The following CHD7 variants were observed in gnomAD, a reference collection of about 807,000 sequenced individuals.
The protein encoded by CHD7 is chromodomain helicase DNA binding protein 7.
A neutral mutation model predicts 307.3 loss-of-function variants in CHD7; 24 were observed. The observed-to-expected ratio is 0.08, with a 90% CI of 0.06 to 0.11. CHD7 has a LOEUF of 0.11. Ranked by LOEUF, CHD7 falls within the 10% of genes least tolerant of loss-of-function variation. The pLI, the probability that CHD7 is intolerant of heterozygous loss-of-function variation, is 1.00. For synonymous variants in CHD7, 1,363 were observed against 1,349.9 expected (o/e 1.01, Z -0.21); for missense variants, 3,106 against 3,727.1 (o/e 0.83, Z 4.34).
chr8:60,708,961 C>T (rs1171106675), intron 1 of CHD7, among the ~76,000 whole-genome samples: 4 of 152,178 alleles, frequency 2.6e-5, no homozygotes, highest in Non-Finnish European at 5.9e-5. Flanking sequence ...AGTGGCTCGC[C>T]TGTCTCTGTG....
At position 60,741,789 on chromosome 8, in the gene CHD7, T is replaced by A; in HGVS notation, c.357T>A (p.Gly119=). The A allele has an allele frequency of 6.2e-7, 1 of 1,613,838 alleles. No homozygotes were observed. Among genetic ancestry groups the A allele is most frequent in the Non-Finnish European group, 8.5e-7 (1 of 1,179,834 alleles). ...PVPQVPHGGS[G]GGQMGVYPGM... is the part of the protein sequence containing the mutation. Reference sequence around the variant, plus strand: ...CTCAGGTGCCCCATGGTGGCAGTGGTGGCGGTCAGATGGGTGTCTACCCTG... The same window carrying A: ...CTCAGGTGCCCCATGGTGGCAGTGGAGGCGGTCAGATGGGTGTCTACCCTG... Residue 119 remains glycine, a synonymous_variant, in exon 2 of 38, where the codon GGT becomes GGA. Coordinates refer to ENST00000423902, the MANE Select transcript of CHD7 (RefSeq NM_017780.4).
chr8:60,818,112 C>G (rs1318659274), intron 8 of CHD7, among the ~76,000 whole-genome samples: 2 of 151,980 alleles, frequency 1.3e-5, no homozygotes, highest in Admixed American at 6.5e-5. Context: ...TCCCCTTCCT[C>G]CCTCTCTTTT....
intron 7 of CHD7, among the ~76,000 whole-genome samples, chr8:60,811,654 A>G (rs1232523075): frequency 6.6e-6 from 1 of 152,194 alleles, no homozygotes; most frequent in Non-Finnish European, 1.5e-5. Flanking sequence ...ACATATCTAT[A>G]TATTTTCAAA....
chr8:60,707,478 A>G (rs1266454861), intron 1 of CHD7, among the ~76,000 whole-genome samples: 15 of 152,232 alleles, frequency 9.9e-5, no homozygotes, highest in Admixed American at 9.8e-4. Flanking sequence ...GTCTTAATGT[A>G]ACTGATAGCT....
chr8:60,725,807 T>A (rs1433255985), intron 1 of CHD7, among the ~76,000 whole-genome samples: 1 of 152,208 alleles, frequency 6.6e-6, no homozygotes, highest in East Asian at 1.9e-4. Context: ...TTCAGCTGAC[T>A]CGCTTGTTTT....
chr8:60,748,749 C>G (rs1008473501), intron 2 of CHD7, among the ~76,000 whole-genome samples: 4 of 152,080 alleles, frequency 2.6e-5, no homozygotes, highest in Admixed American at 2.6e-4. Context: ...ATGGAAAGTT[C>G]TAGTTGAATT....
chr8:60,696,088 G>A (rs1806453012), intron 1 of CHD7, among the ~76,000 whole-genome samples: 2 of 152,130 alleles, frequency 1.3e-5, no homozygotes, highest in Non-Finnish European at 2.9e-5. Context: ...ATATCATGCA[G>A]GCACTGAAAA....
At chr8:60,833,601 G>A (rs912969283) in intron 15 of CHD7, among the ~76,000 whole-genome samples, 14 of 152,136 alleles carry the variant, frequency 9.2e-5, no homozygotes, top group South Asian at 2.1e-4. Context: ...TTACTGTCCC[G>A]ACAGTGACCA....
rs1426433349 is a variant in CHD7, at chr8:60,865,770, G to C, written c.8831G>C (p.Gly2944Ala). 1 of 1,614,030 alleles carries C rather than the reference G, an allele frequency of 6.2e-7. No homozygotes were observed. The highest frequency in any genetic ancestry group is 2.2e-5 in the East Asian group (1 of 44,892). The change falls in exon 38 of 38, where the codon GGA becomes GCA. Residue 2944 changes from glycine (G) to alanine (A), a missense_variant. Coordinates refer to ENST00000423902, the MANE Select transcript of CHD7 (RefSeq NM_017780.4). This position sits in a 1 kb window ranked among gnomAD's most constrained non-coding sequence, Gnocchi z 4.3. ...SEEKAADKAE[G>A]GPFKDGETLE... ...GAAAAGGCTGCTGACAAGGCTGAGG[G>C]AGGACCCTTTAAAGATGGAGAGACC...
chr8:60,700,952 C>A (rs980209913), intron 1 of CHD7, among the ~76,000 whole-genome samples: 1 of 152,206 alleles, frequency 6.6e-6, no homozygotes, highest in African/African-American at 2.4e-5. Context: ...AGAGCACAGG[C>A]TGCTCATTTG....
intron 7 of CHD7, among the ~76,000 whole-genome samples, chr8:60,816,115 C>CTGTCTGTCTG (rs1554596106): frequency 0.028 from 1,395 of 49,956 alleles, 18 homozygotes; most frequent in African/African-American, 0.059. Context: ...GTCTGTCTGT[C>CTGTCTGTCTG]TCTCTCTCTC....
rs1374754989 is a variant in CHD7, at chr8:60,678,785, G to GGCGGCGGCGGCA, written c.-467_-466insGGCGGCAGCGGC. ...GGGCCGCGGCGGCGGCGGCGGCGGCGGCGGCAGCGGCGGCGGCGGCGGCGG... is the reference window on the plus strand; with the variant it reads ...GGGCCGCGGCGGCGGCGGCGGCGGCGGCGGCGGCGGCAGCGGCAGCGGCGGCGGCGGCGGCGG... On this transcript the variant is annotated 5_prime_UTR_variant, in exon 1 of 38. Transcript: ENST00000423902. 1 of 140,308 alleles carries GGCGGCGGCGGCA rather than the reference G, an allele frequency of 7.1e-6. No homozygotes were observed. The highest frequency in any genetic ancestry group is 2.6e-5 in the African/African-American group (1 of 38,872). 8.7% of individuals were successfully genotyped at this position (140,308 alleles called of 1,614,324 possible). A position where few individuals can be genotyped will look rare whatever the true frequency, so the allele number is the denominator to read the frequency against.
intron 1 of CHD7, among the ~76,000 whole-genome samples, chr8:60,708,265 A>G (rs1807110866): frequency 6.6e-6 from 1 of 152,094 alleles, no homozygotes; most frequent in East Asian, 1.9e-4. Flanking sequence ...TTTCTCCCCA[A>G]CCATTCTGCA....
intron 2 of CHD7, among the ~76,000 whole-genome samples, chr8:60,761,628 T>C (rs1227296315): frequency 6.6e-6 from 1 of 151,668 alleles, no homozygotes; most frequent in African/African-American, 2.4e-5. Flanking sequence ...GTTTCTGAGG[T>C]TTATCTAGGA....
chr8:60,713,416 T>A (rs1264119549), intron 1 of CHD7, among the ~76,000 whole-genome samples: 1 of 48,570 alleles, frequency 2.1e-5, no homozygotes, highest in Non-Finnish European at 9.5e-5. Context: ...GGCCAGAAAT[T>A]TTTTTTTTTA....
rs532790982 is a variant in CHD7, at chr8:60,827,249, A to T, written c.3379-1414A>T. On this transcript the variant is annotated intron_variant, in intron 13 of 37. Transcript: ENST00000423902. ...TGTACCCTAAAACTTAAAGTATAAT[A>T]AAAAAAAAAAAAGAAAGGAGTTCTT... is the stretch of plus-strand genomic sequence containing the variant. Among the ~76,000 whole-genome samples, 660 of 96,174 alleles carry T rather than the reference A, an allele frequency of 6.9e-3. 3 individuals carry two copies. The highest frequency in any genetic ancestry group is 0.042 in the African/African-American group (633 of 15,172). 63.1% of individuals were successfully genotyped at this position (96,174 alleles called of 152,430 possible).
intron 7 of CHD7, among the ~76,000 whole-genome samples, chr8:60,814,445 T>G (rs1192145550): frequency 2.6e-5 from 4 of 152,106 alleles, no homozygotes; most frequent in African/African-American, 4.8e-5. Context: ...GTGTTTCTTT[T>G]TGTGTGTGTG....
At chr8:60,841,555 TATCGGAGCA>T in intron 19 of CHD7, 80 bp from the exon 20 acceptor site, 1 of 960,194 alleles carries the variant, frequency 1.0e-6, no homozygotes, top group Admixed American at 1.9e-5. Flanking sequence ...GAATGCACAA[TATCGGAGCA>T]AATACATAAA....
intron 12 of CHD7, among the ~76,000 whole-genome samples, chr8:60,823,437 AGATG>A (rs1194586198): frequency 4.2e-5 from 6 of 144,140 alleles, no homozygotes; most frequent in Admixed American, 1.4e-4. Context: ...ATAGATAGAT[AGATG>A]TGTGTGTGCA....
Sources: gnomAD v4.1 joint callset for allele counts (sites outside exome capture counted in the v4.1 genomes callset) on GRCh38, gnomAD v4.1.1 for gene constraint, Gnocchi (gnomAD v3.1) non-coding constraint, MANE v1.5 for transcripts, NCBI Gene and HGNC (gene_info 2026-07-23, HGNC 2026-07-21) for gene names.